Variants in PUM2 observed in about 807,000 individuals in gnomAD.
The protein encoded by PUM2 is pumilio homolog 2.
PUM2 carries 57 observed loss-of-function variants against 124.5 expected under a neutral mutation model. The ratio of observed to expected loss-of-function variants is 0.46; its 90% CI spans 0.37 to 0.57. The LOEUF (loss-of-function observed/expected upper bound fraction) is 0.57. PUM2 is among the 20% of genes least tolerant of loss of function. The pLI is 0.00. For missense variants in PUM2, 1,065 were observed against 1,290.6 expected (o/e 0.83, Z 2.68); for synonymous variants, 460 against 446.1 (o/e 1.03, Z -0.39).
chr2:20,297,507 T>C (rs1018745315), intron 8 of PUM2, 46 bp downstream of exon 8: 2 of 1,453,770 alleles, frequency 1.4e-6, no homozygotes, highest in South Asian at 1.4e-5. Context: ...CAAAACTAAA[T>C]ACATTAAAAA....
chr2:20,336,788 G>C (rs1444017141), intron 1 of PUM2, among the ~76,000 whole-genome samples: 1 of 140,210 alleles, frequency 7.1e-6, no homozygotes, highest in Non-Finnish European at 1.5e-5. Context: ...GTGTGTGTGT[G>C]TGTGTGTGTG....
chr2:20,308,637 C>A, intron 5 of PUM2, 53 bp from the exon 6 acceptor site: 1 of 1,481,556 alleles, frequency 6.7e-7, no homozygotes, highest in South Asian at 1.3e-5. Flanking sequence ...AGTCAAATAG[C>A]GAAATGGGAA....
intron 13 of PUM2, among the ~76,000 whole-genome samples, chr2:20,277,126 T>G (rs1267311456): frequency 6.6e-6 from 1 of 152,108 alleles, no homozygotes; most frequent in Non-Finnish European, 1.5e-5. Context: ...AGTTAAGAGC[T>G]GAACAAGAAT....
At chr2:20,331,485 G>A (rs1684896336) in intron 1 of PUM2, among the ~76,000 whole-genome samples, 1 of 152,094 alleles carries the variant, frequency 6.6e-6, no homozygotes. Flanking sequence ...CCTTAAAGCT[G>A]TCCTCCCAAG....
At position 20,338,895 on chromosome 2, in the gene PUM2, T is replaced by C. The variant is rs554424163; in HGVS notation, c.-18-11517A>G. 3.3e-5 allele frequency among the ~76,000 whole-genome samples: 5 copies of C among 152,346 alleles called. 1 individual carries two copies. In the South Asian group the frequency reaches 1.0e-3, roughly 32 times the overall value. ...CTAGAAAAAGGATATGCATGATTTT[T>C]ACATTACATTTTATAGTTCTTAACT... On this transcript the variant is annotated intron_variant, in intron 1 of 20. Transcript: ENST00000361078.
At position 20,350,635 on chromosome 2, in the gene PUM2, G is replaced by A. The variant is rs902440199; in HGVS notation, c.-57C>T. Reference sequence around the variant, plus strand: ...CCGCGCTGCCTCAGCCGGGGACACCGACCGTTGGGCACACGGCGGCGTCGC... The same window carrying A: ...CCGCGCTGCCTCAGCCGGGGACACCAACCGTTGGGCACACGGCGGCGTCGC... On this transcript the variant is annotated 5_prime_UTR_variant, in exon 1 of 21. Coordinates refer to ENST00000361078, the MANE Select transcript of PUM2 (RefSeq NM_015317.5). 1 of 985,436 alleles carries A rather than the reference G, an allele frequency of 1.0e-6. No homozygotes were observed. The allele number at this position is 985,436 out of a possible 1,614,324, so 61.0% of individuals were successfully genotyped here.
intron 14 of PUM2, among the ~76,000 whole-genome samples, chr2:20,260,734 CGTA>C (rs1558487332): frequency 3.3e-5 from 5 of 152,204 alleles, no homozygotes; most frequent in African/African-American, 1.2e-4. Flanking sequence ...AAGAAAATTA[CGTA>C]AATTTTGCTG....
intron 13 of PUM2, among the ~76,000 whole-genome samples, chr2:20,268,770 A>C (rs1393829602): frequency 6.6e-6 from 1 of 152,128 alleles, no homozygotes; most frequent in Non-Finnish European, 1.5e-5. Flanking sequence ...TATATAAATG[A>C]CTCAAATGTG....
intron 3 of PUM2, among the ~76,000 whole-genome samples, chr2:20,313,377 C>T (rs1294932574): frequency 6.6e-6 from 1 of 152,156 alleles, no homozygotes; most frequent in Non-Finnish European, 1.5e-5. Flanking sequence ...CATATAAAAA[C>T]CTATGTTAAG....
At chr2:20,327,686 G>A (rs1022406403) in intron 1 of PUM2, among the ~76,000 whole-genome samples, 2 of 152,206 alleles carry the variant, frequency 1.3e-5, no homozygotes, top group East Asian at 3.8e-4. Flanking sequence ...GTAGCACAGA[G>A]TAAGGTTTTT....
intron 1 of PUM2, among the ~76,000 whole-genome samples, chr2:20,343,643 T>C (rs962187265): frequency 2.0e-5 from 3 of 152,172 alleles, no homozygotes; most frequent in Admixed American, 6.5e-5. Context: ...GGCTTGGACC[T>C]ATAATCCCAG....
At chr2:20,343,184 C>G (rs755025074) in intron 1 of PUM2, among the ~76,000 whole-genome samples, 5 of 151,978 alleles carry the variant, frequency 3.3e-5, no homozygotes, top group African/African-American at 4.8e-5. Context: ...TTCACTTAAG[C>G]AAATGTTTGG....
Position 20,260,442 on chromosome 2 carries a change from TCTCTC to T in PUM2, c.2245_2249del (p.Glu749SerfsTer5). ...CCATCTGTCGCTCAGCTGGAGTAGC[TCTCTC>T]TAGTTTTTGCTGTATGAATCTACAT... is the stretch of plus-strand genomic sequence containing the variant. On this transcript the variant is annotated frameshift_variant, in exon 15 of 21. Transcript: ENST00000361078. LOFTEE classifies it high-confidence loss of function. 6.2e-7 allele frequency: 1 copy of T among 1,609,502 alleles called. No individual in the cohort carries two copies. The highest frequency in any genetic ancestry group is 8.5e-7 in the Non-Finnish European group (1 of 1,176,296).
chr2:20,307,517 A>T (rs1177697248), intron 7 of PUM2, among the ~76,000 whole-genome samples: 1 of 152,190 alleles, frequency 6.6e-6, no homozygotes, highest in Non-Finnish European at 1.5e-5. Context: ...GGGTATAGGG[A>T]AGTTATTCCC....
chr2:20,258,256 G>C lies in PUM2; in HGVS notation c.2471C>G (p.Ser824Cys). ...ACTTACAATTACCTGCTGGTCAGAA[G>C]AAATAGATTCTAATGCTTTCTGAAT... ...RVIQKALESI[S>C]SDQQSEMVKE... is the part of the protein sequence containing the mutation. The change falls in exon 16 of 21, where the codon TCT becomes TGT. Residue 824 changes from serine to cysteine, a missense_variant. Around this residue, in one of 3 missense-constraint regions of PUM2, gnomAD observed 968 missense variants for 1,159.8 expected, o/e 0.83. Transcript: ENST00000361078. 1.9e-6 allele frequency: 3 copies of C among 1,598,818 alleles called. No individual in the cohort carries two copies. The highest frequency in any genetic ancestry group is 2.6e-6 in the Non-Finnish European group (3 of 1,171,154).
At chr2:20,255,967 G>A (rs2148437213) in intron 17 of PUM2, 66 bp downstream of exon 17, 4 of 1,411,896 alleles carry the variant, frequency 2.8e-6, no homozygotes, top group East Asian at 2.7e-5. Context: ...CATGAAAAAC[G>A]TGTTGATATT....
At chr2:20,308,120 T>A in intron 6 of PUM2, 49 bp from the exon 7 acceptor site, 1 of 1,569,708 alleles carries the variant, frequency 6.4e-7, no homozygotes, top group Non-Finnish European at 8.7e-7. Context: ...AATCTTTCAT[T>A]TCTAATTAGA....
At chr2:20,303,207 C>T (rs57954603) in intron 7 of PUM2, among the ~76,000 whole-genome samples, 2 of 152,176 alleles carry the variant, frequency 1.3e-5, no homozygotes, top group East Asian at 1.9e-4. Context: ...GCATTGGCTT[C>T]TACTGCATCA....
At chr2:20,327,465 C>G in intron 1 of PUM2, 87 bp from the exon 2 acceptor site, 1 of 798,018 alleles carries the variant, frequency 1.3e-6, no homozygotes, top group Non-Finnish European at 2.0e-6. Context: ...GCTGCTATGA[C>G]TAATATTAGC....
Sources: allele counts gnomAD v4.1 joint callset (sites outside exome capture counted in the v4.1 genomes callset), GRCh38; gene constraint gnomAD v4.1.1; regional missense constraint gnomAD v4.1.1; transcripts MANE v1.5; gene names NCBI Gene and HGNC (gene_info 2026-07-23, HGNC 2026-07-21).